Variants in HS3ST2 observed in about 807,000 individuals in gnomAD.
HS3ST2 encodes heparan sulfate glucosamine 3-O-sulfotransferase 2.
A neutral mutation model predicts 26.3 loss-of-function variants in HS3ST2; 17 were observed. The observed-to-expected ratio is 0.65, with a 90% CI of 0.44 to 0.97. The LOEUF is 0.97. Among genes scored for constraint, HS3ST2 ranks in the 50% least tolerant of loss-of-function variants. The probability of loss-of-function intolerance (pLI) is 0.00; values close to 1 mark genes in which losing one functional copy is unlikely to be tolerated. For missense variants in HS3ST2, 402 were observed against 501.2 expected (o/e 0.80, Z 1.89); for synonymous variants, 237 against 219.2 (o/e 1.08, Z -0.72).
At chr16:22,887,909 C>T (rs562841698) in intron 1 of HS3ST2, among the ~76,000 whole-genome samples, 4 of 152,296 alleles carry the variant, frequency 2.6e-5, no homozygotes, top group African/African-American at 9.6e-5. Flanking sequence ...CATGATCATG[C>T]CACTGCAAGC....
At position 22,878,787 on chromosome 16, in the gene HS3ST2, G is replaced by A. The variant is rs570632816; in HGVS notation, c.486-36157G>A. Among the ~76,000 whole-genome samples the A allele has an allele frequency of 6.6e-5, 10 of 152,200 alleles. 1 individual carries two copies. The highest frequency in any genetic ancestry group is 2.2e-4 in the African/African-American group (9 of 41,532). ...TTGAGTGCAGGCCTGAAGAAGGTGA[G>A]GGAGAAGCCGTGTGGATATCTGAGG... On this transcript the variant is annotated intron_variant, in intron 1 of 1. Coordinates refer to ENST00000261374, the MANE Select transcript of HS3ST2 (RefSeq NM_006043.2).
chr16:22,816,085 A>G (rs575462076), intron 1 of HS3ST2, among the ~76,000 whole-genome samples: 4 of 152,288 alleles, frequency 2.6e-5, no homozygotes, highest in South Asian at 2.1e-4. Context: ...CCACGCCTCA[A>G]TGCCTTTCTG....
intron 1 of HS3ST2, among the ~76,000 whole-genome samples, chr16:22,842,062 C>CTTTTTTTTTTTTTTTTTTTTTTTTCT (rs11285807): frequency 8.9e-6 from 1 of 111,794 alleles, no homozygotes; most frequent in Non-Finnish European, 1.8e-5. Context: ...TCTTTTCTTT[C>CTTTTTTTTTTTTTTTTTTTTTTTTCT]TTTTTTTTTT....
chr16:22,898,054 G>A (rs893476965), intron 1 of HS3ST2, among the ~76,000 whole-genome samples: 13 of 152,166 alleles, frequency 8.5e-5, no homozygotes, highest in African/African-American at 2.7e-4. Flanking sequence ...AGGAGCTCAC[G>A]TCTTCTTGAT....
intron 1 of HS3ST2, among the ~76,000 whole-genome samples, chr16:22,875,036 C>T (rs921842342): frequency 2.0e-5 from 3 of 152,236 alleles, no homozygotes; most frequent in East Asian, 1.9e-4. Flanking sequence ...TTCATGGAGA[C>T]GTGTGCTGTA....
chr16:22,821,163 G>A (rs1367462722), intron 1 of HS3ST2, among the ~76,000 whole-genome samples: 1 of 152,064 alleles, frequency 6.6e-6, no homozygotes, highest in African/African-American at 2.4e-5. Flanking sequence ...ATTAGGGAAG[G>A]TGTGGGGCTG....
intron 1 of HS3ST2, among the ~76,000 whole-genome samples, chr16:22,817,539 T>C (rs1364785428): frequency 6.6e-6 from 1 of 152,220 alleles, no homozygotes; most frequent in East Asian, 1.9e-4. Context: ...ACACATTAAC[T>C]GCAGAAATCA....
chr16:22,836,470 A>G (rs571410522), intron 1 of HS3ST2, among the ~76,000 whole-genome samples: 7 of 152,352 alleles, frequency 4.6e-5, no homozygotes, highest in African/African-American at 1.7e-4. Context: ...CTTAAGTCTT[A>G]TAACTGTATC....
intron 1 of HS3ST2, among the ~76,000 whole-genome samples, chr16:22,877,357 G>A (rs1351026285): frequency 6.6e-6 from 1 of 152,206 alleles, no homozygotes; most frequent in Non-Finnish European, 1.5e-5. Context: ...GGGGAGGATT[G>A]CTGACCGTGG....
At chr16:22,827,008 G>A (rs559697563) in intron 1 of HS3ST2, among the ~76,000 whole-genome samples, 56 of 152,310 alleles carry the variant, frequency 3.7e-4, no homozygotes, top group Non-Finnish European at 4.4e-5. Flanking sequence ...GGCGGAGAAA[G>A]AATACTTGGT....
rs910536732 is a variant in HS3ST2, at chr16:22,862,235, G to A, written c.485+47140G>A. On this transcript the variant is annotated intron_variant, in intron 1 of 1. Coordinates refer to ENST00000261374, the MANE Select transcript of HS3ST2 (RefSeq NM_006043.2). ...AGGATCTAAAGGCAACTGTGTGTGT[G>A]TGGGTGTGTGTCTCATTCATGAAGC... Among the ~76,000 whole-genome samples, 10 of 150,776 alleles carry A rather than the reference G, an allele frequency of 6.6e-5. No homozygotes were observed. The East Asian group carries it at 1.2e-3, about 18-fold the overall frequency.
chr16:22,820,212 A>G (rs1900970468), intron 1 of HS3ST2, among the ~76,000 whole-genome samples: 2 of 152,092 alleles, frequency 1.3e-5, no homozygotes, highest in Non-Finnish European at 2.9e-5. Flanking sequence ...GCCTTGCAGC[A>G]TGCTGTAGAT....
At chr16:22,892,253 G>A (rs930584106) in intron 1 of HS3ST2, among the ~76,000 whole-genome samples, 19 of 150,682 alleles carry the variant, frequency 1.3e-4, no homozygotes, top group Admixed American at 1.2e-3. Context: ...TCGTGCCACT[G>A]CACTTCAGCC....
intron 1 of HS3ST2, among the ~76,000 whole-genome samples, chr16:22,875,474 G>A (rs545350153): frequency 2.6e-4 from 39 of 152,088 alleles, no homozygotes; most frequent in South Asian, 4.2e-4. Context: ...TCCACCTCCC[G>A]GGTTCAAGTG....
chr16:22,912,605 G>A (rs1335788309), intron 1 of HS3ST2, among the ~76,000 whole-genome samples: 1 of 152,198 alleles, frequency 6.6e-6, no homozygotes, highest in Admixed American at 6.5e-5. Context: ...ACTGCTCCCT[G>A]CAGAGAAGGG....
At chr16:22,888,579 G>C (rs775078298) in intron 1 of HS3ST2, among the ~76,000 whole-genome samples, 1 of 151,740 alleles carries the variant, frequency 6.6e-6, no homozygotes, top group Non-Finnish European at 1.5e-5. Flanking sequence ...TTAGAGACAG[G>C]TTTCATGATG....
chr16:22,857,427 G>A (rs772137609), intron 1 of HS3ST2, among the ~76,000 whole-genome samples: 37 of 152,114 alleles, frequency 2.4e-4, no homozygotes, highest in Non-Finnish European at 4.0e-4. Flanking sequence ...TGATTTTAAA[G>A]CGTAAACAGT....
chr16:22,839,861 C>T (rs775908300), intron 1 of HS3ST2, among the ~76,000 whole-genome samples: 6 of 152,136 alleles, frequency 3.9e-5, no homozygotes, highest in Non-Finnish European at 7.3e-5. Context: ...CCGTGGAAGA[C>T]GATTGCTTTC....
intron 1 of HS3ST2, among the ~76,000 whole-genome samples, chr16:22,909,175 T>G (rs1266050373): frequency 6.6e-6 from 1 of 152,200 alleles, no homozygotes; most frequent in East Asian, 1.9e-4. Context: ...ATCCCCACCC[T>G]TGGCCCATCA....
Sources: gnomAD v4.1 joint callset for allele counts (sites outside exome capture counted in the v4.1 genomes callset) on GRCh38, gnomAD v4.1.1 for gene constraint, MANE v1.5 for transcripts, NCBI Gene and HGNC (gene_info 2026-07-23, HGNC 2026-07-21) for gene names.